Variants in ARHGAP5 observed in about 807,000 individuals in gnomAD.
The protein encoded by ARHGAP5 is rho GTPase-activating protein 5.
A neutral mutation model predicts 116.6 loss-of-function variants in ARHGAP5; 23 were observed. The ratio of observed to expected loss-of-function variants is 0.20; its 90% confidence interval spans 0.14 to 0.28. ARHGAP5 has a LOEUF of 0.28. ARHGAP5 is among the 10% of genes least tolerant of loss of function. The pLI, the probability that ARHGAP5 is intolerant of heterozygous loss-of-function variation, is 1.00. For missense variants in ARHGAP5, 1,405 were observed against 1,774.8 expected, an observed-to-expected ratio of 0.79 and a Z score of 3.74; for synonymous variants, 574 against 602.0, an observed-to-expected ratio of 0.95 and a Z score of 0.68.
In ARHGAP5 at chr14:32,092,329, A is replaced by G. The variant is rs765241840; in HGVS notation, c.1660A>G (p.Lys554Glu). The change falls in exon 2 of 7, where the codon AAA becomes GAA. Residue 554 changes from lysine (K) to glutamate (E), a missense_variant. Around this residue, in one of 6 missense-constraint regions of ARHGAP5, gnomAD observed 944 missense variants for 1,095.3 expected, o/e 0.86. Coordinates refer to ENST00000345122, the MANE Select transcript of ARHGAP5 (RefSeq NM_001030055.2). This position sits in a 1 kb window ranked among gnomAD's most constrained non-coding sequence, Gnocchi z 4.1. ...KHIGFVYHPT[K>E]ETCLSGQNCT... The stretch of plus-strand genomic sequence containing the variant: ...TATAGGATTTGTTTATCATCCCACT[A>G]AAGAAACATGTCTTAGTGGCCAAAA... 1.2e-6 allele frequency: 2 copies of G among 1,613,806 alleles called. No individual in the cohort carries two copies. Among genetic ancestry groups the G allele is most frequent in the Non-Finnish European group, 1.7e-6 (2 of 1,179,812 alleles).
chr14:32,086,405 T>C (rs1316574787), intron 1 of ARHGAP5, among the ~76,000 whole-genome samples: 2 of 152,126 alleles, frequency 1.3e-5, no homozygotes, highest in African/African-American at 2.4e-5. Context: ...TGCTCTGATA[T>C]GAATAGACTG....
At chr14:32,109,736 T>G (rs910649695) in intron 2 of ARHGAP5, among the ~76,000 whole-genome samples, 11 of 152,168 alleles carry the variant, frequency 7.2e-5, no homozygotes, top group Non-Finnish European at 1.2e-4. Context: ...AATTATTACA[T>G]ATTTGCAAAC....
chr14:32,132,526 T>G (rs536652117), intron 3 of ARHGAP5, among the ~76,000 whole-genome samples: 42 of 152,318 alleles, frequency 2.8e-4, no homozygotes, highest in African/African-American at 9.1e-4. Flanking sequence ...TTTCTCCCAT[T>G]TTGTAGGTTG....
intron 1 of ARHGAP5, among the ~76,000 whole-genome samples, chr14:32,082,578 C>A (rs1328901223): frequency 2.6e-5 from 4 of 152,062 alleles, no homozygotes; most frequent in Admixed American, 1.3e-4. Context: ...TGGGGTCTTG[C>A]TCTGTCACCC....
rs1470030271 is a variant in ARHGAP5 at position 32,092,472 on chromosome 14, A to G, written c.1803A>G (p.Leu601=). The stretch of plus-strand genomic sequence containing the variant: ...TAGATAAAGTTAACCTTTTTATTTT[A>G]GGGAAGGATGGCCTTGCCCAAGAAC... ...TNIDKVNLFI[L]GKDGLAQELA... Residue 601 remains leucine (L), a synonymous_variant, in exon 2 of 7, where the codon TTA becomes TTG. Coordinates refer to ENST00000345122, the MANE Select transcript of ARHGAP5 (RefSeq NM_001030055.2). The surrounding 1 kb of genome is among the most constrained non-coding windows in gnomAD (Gnocchi z 4.1). The G allele has an allele frequency of 6.2e-7, 1 of 1,614,016 alleles. No individual in the cohort carries two copies. Among genetic ancestry groups the G allele is most frequent in the South Asian group, 1.1e-5 (1 of 91,076 alleles).
intron 2 of ARHGAP5, among the ~76,000 whole-genome samples, chr14:32,099,206 C>T (rs1473978477): frequency 6.6e-6 from 1 of 152,136 alleles, no homozygotes; most frequent in Admixed American, 6.6e-5. Context: ...TGATACAGAA[C>T]ATTAGAAATT....
At chr14:32,136,684 A>G (rs556314499) in intron 3 of ARHGAP5, among the ~76,000 whole-genome samples, 1 of 152,306 alleles carries the variant, frequency 6.6e-6, no homozygotes, top group Non-Finnish European at 1.5e-5. Flanking sequence ...GAAGCACCAC[A>G]TTATTTTCTA....
chr14:32,095,416 G>GTTT (rs569892479), intron 2 of ARHGAP5, among the ~76,000 whole-genome samples: 11 of 101,406 alleles, frequency 1.1e-4, no homozygotes, highest in African/African-American at 2.2e-4. Context: ...TTTTTTTTTT[G>GTTT]TTTTTTTTTT....
rs1280642388 is a variant in ARHGAP5 at position 32,091,949 on chromosome 14, G to T, written c.1280G>T (p.Arg427Met). 1.2e-6 allele frequency: 2 copies of T among 1,613,524 alleles called. No homozygotes were observed. The highest frequency in any genetic ancestry group is 1.1e-5 in the South Asian group (1 of 91,066). Residue 427 changes from arginine to methionine, a missense_variant, in exon 2 of 7, where the codon AGG becomes ATG. By Grantham distance (91) the Arg-to-Met change is moderately conservative (BLOSUM62 -1). Transcript: ENST00000345122. ...HVQHLISEKR[R>M]VEMKEKFKKT... ...CAGCATCTGATATCCGAGAAGAGGA[G>T]GGTGGAAATGAAGGAAAAATTCAAA...
At chr14:32,107,978 T>C (rs1246323992) in intron 2 of ARHGAP5, among the ~76,000 whole-genome samples, 1 of 152,034 alleles carries the variant, frequency 6.6e-6, no homozygotes, top group Non-Finnish European at 1.5e-5. Context: ...AAATCCTTAG[T>C]GGGAAAAGAG....
chr14:32,132,274 A>G (rs1055952869), intron 3 of ARHGAP5, among the ~76,000 whole-genome samples: 1 of 151,936 alleles, frequency 6.6e-6, no homozygotes, highest in African/African-American at 2.4e-5. Flanking sequence ...AATGATTGCC[A>G]CTCTAACTGG....
intron 3 of ARHGAP5, among the ~76,000 whole-genome samples, chr14:32,140,896 T>C (rs552939294): frequency 6.6e-6 from 1 of 152,354 alleles, no homozygotes; most frequent in African/African-American, 2.4e-5. Context: ...TTCTGTTCAT[T>C]ATTATAGTGG....
chr14:32,139,224 G>A, intron 3 of ARHGAP5, among the ~76,000 whole-genome samples: 1 of 152,066 alleles, frequency 6.6e-6, no homozygotes, highest in African/African-American at 2.4e-5. Flanking sequence ...GGGCATTAGG[G>A]TAATCACAGC....
intron 1 of ARHGAP5, among the ~76,000 whole-genome samples, chr14:32,080,424 A>G (rs2041760445): frequency 6.6e-6 from 1 of 151,914 alleles, no homozygotes; most frequent in African/African-American, 2.4e-5. Flanking sequence ...CCTTTAAAAC[A>G]AACCTGCACA....
chr14:32,150,515 G>A (rs574047600), intron 5 of ARHGAP5, among the ~76,000 whole-genome samples: 39 of 152,212 alleles, frequency 2.6e-4, no homozygotes, highest in African/African-American at 8.4e-4. Context: ...GGGCCTTTTT[G>A]CAAAGTCATT....
intron 3 of ARHGAP5, among the ~76,000 whole-genome samples, chr14:32,120,095 G>A (rs1238943402): frequency 6.6e-6 from 1 of 152,084 alleles, no homozygotes; most frequent in Non-Finnish European, 1.5e-5. Flanking sequence ...ATTTGTTTGT[G>A]AGGAGGTTTT....
At chr14:32,145,175 A>G (rs1239865053) in intron 3 of ARHGAP5, among the ~76,000 whole-genome samples, 1 of 152,182 alleles carries the variant, frequency 6.6e-6, no homozygotes, top group Non-Finnish European at 1.5e-5. Context: ...CACTGATAAT[A>G]TAGCATGGTG....
At chr14:32,125,755 C>T (rs890670402) in intron 3 of ARHGAP5, among the ~76,000 whole-genome samples, 2 of 152,120 alleles carry the variant, frequency 1.3e-5, no homozygotes, top group African/African-American at 2.4e-5. Context: ...ATTAAGTCTT[C>T]GAATCCATGA....
chr14:32,131,577 G>GT (rs1880499129), intron 3 of ARHGAP5, among the ~76,000 whole-genome samples: 1 of 151,418 alleles, frequency 6.6e-6, no homozygotes, highest in Admixed American at 6.6e-5. Context: ...TTTTGTTTTT[G>GT]TTTTTTGTTT....
Sources: gnomAD v4.1 joint callset for allele counts (sites outside exome capture counted in the v4.1 genomes callset) on GRCh38, gnomAD v4.1.1 for gene constraint, gnomAD v4.1.1 regional missense constraint, Gnocchi (gnomAD v3.1) non-coding constraint, MANE v1.5 for transcripts, NCBI Gene and HGNC (gene_info 2026-07-23, HGNC 2026-07-21) for gene names.